Variants in LYZL4 observed in about 807,000 individuals in gnomAD.
LYZL4 encodes the protein lysozyme-like protein 4.
LYZL4 carries 13 observed loss-of-function variants against 17.6 expected under a neutral mutation model. The ratio of observed to expected loss-of-function variants is 0.74; its 90% confidence interval spans 0.48 to 1.18. The LOEUF (loss-of-function observed/expected upper bound fraction) is 1.18. Ranked by LOEUF, LYZL4 falls within the 50% of genes most tolerant of loss-of-function variation. The pLI is 0.00. For missense variants in LYZL4, 174 were observed against 188.2 expected, an observed-to-expected ratio of 0.92 and a Z score of 0.44; for synonymous variants, 64 against 67.7, an observed-to-expected ratio of 0.95 and a Z score of 0.27.
rs751617109 is a variant in LYZL4, at chr3:42,407,123, G to A, written c.129C>T (p.Ser43=). 1.9e-6 allele frequency: 3 copies of A among 1,614,182 alleles called. No homozygotes were observed. The highest frequency in any genetic ancestry group is 4.5e-5 in the East Asian group (2 of 44,876). ...GTGGGGCCTACTCACAGTTCTCAAG[G>A]CTATAGCCCTCAAAATAATCCAGGC... is the stretch of plus-strand genomic sequence containing the variant. ...DGGLDYFEGY[S]LENWVCLAYF... The change falls in exon 2 of 5, where the codon AGC becomes AGT. Residue 43 remains serine (S), a synonymous_variant. Transcript: ENST00000287748.
At chr3:42,370,832 T>C in the LYZL4 span, among the ~76,000 whole-genome samples, 1 of 152,302 alleles carries the variant, frequency 6.6e-6, no homozygotes, top group Admixed American at 6.5e-5. Flanking sequence ...ACTGGTAGAG[T>C]TCGTCTACTA....
the LYZL4 span, among the ~76,000 whole-genome samples, chr3:42,372,787 C>A: frequency 0.022 from 3,382 of 152,266 alleles, 131 homozygotes; most frequent in African/African-American, 0.077. Context: ...CAGCTGCTGG[C>A]AATTGACATA....
chr3:42,388,669 C>A, the LYZL4 span, among the ~76,000 whole-genome samples: 1 of 152,184 alleles, frequency 6.6e-6, no homozygotes, highest in Non-Finnish European at 1.5e-5. Flanking sequence ...GCTGAACAAG[C>A]ATTCAGAACT....
rs370623350 is a variant in LYZL4, at chr3:42,404,035, G to A, written c.371+11C>T. 2 of 1,579,850 alleles carry A rather than the reference G, an allele frequency of 1.3e-6. No homozygotes were observed. Among genetic ancestry groups the A allele is most frequent in the Non-Finnish European group, 1.7e-6 (2 of 1,149,758 alleles). The stretch of plus-strand genomic sequence containing the variant: ...TCGTTAATACAGGCTACATAAAAAT[G>A]TAAGACTTACCATGCTCCCATCCCT... On this transcript the variant is annotated intron_variant, in intron 4 of 4. Transcript: ENST00000287748.
At chr3:42,364,832 T>C in the LYZL4 span, among the ~76,000 whole-genome samples, 12 of 152,174 alleles carry the variant, frequency 7.9e-5, no homozygotes, top group African/African-American at 2.9e-4. Flanking sequence ...ACCTTTAGCA[T>C]ACTTCCTTTC....
At chr3:42,405,442 C>T (rs1698732073) in intron 3 of LYZL4, among the ~76,000 whole-genome samples, 1 of 152,170 alleles carries the variant, frequency 6.6e-6, no homozygotes, top group South Asian at 2.1e-4. Context: ...CCTGCCTCTC[C>T]TTGAATCAGA....
chr3:42,377,221 A>G, the LYZL4 span, among the ~76,000 whole-genome samples: 1 of 152,200 alleles, frequency 6.6e-6, no homozygotes, highest in African/African-American at 2.4e-5. Context: ...TGTGTTGAGC[A>G]TAATTTGTCC....
chr3:42,379,967 A>G, the LYZL4 span, among the ~76,000 whole-genome samples: 120 of 152,296 alleles, frequency 7.9e-4, 1 homozygote, highest in Non-Finnish European at 4.0e-4. Flanking sequence ...CAGTGACCGA[A>G]AATTGTAAGT....
At chr3:42,374,750 C>G in the LYZL4 span, among the ~76,000 whole-genome samples, 5 of 152,188 alleles carry the variant, frequency 3.3e-5, no homozygotes, top group Non-Finnish European at 7.3e-5. Flanking sequence ...TGTGTATTTT[C>G]TTACAATAAA....
the LYZL4 span, among the ~76,000 whole-genome samples, chr3:42,363,181 T>C: frequency 6.6e-6 from 1 of 152,110 alleles, no homozygotes; most frequent in Non-Finnish European, 1.5e-5. Flanking sequence ...TACGATAAAA[T>C]AAATAGACAT....
downstream of LYZL4, among the ~76,000 whole-genome samples, chr3:42,392,207 G>A (rs570957441): frequency 2.0e-5 from 3 of 152,254 alleles, no homozygotes; most frequent in South Asian, 2.1e-4. Flanking sequence ...TTGAGATCCA[G>A]GAACCAAGTG....
the LYZL4 span, among the ~76,000 whole-genome samples, chr3:42,367,881 A>G: frequency 1.3e-5 from 2 of 152,356 alleles, no homozygotes; most frequent in Non-Finnish European, 2.9e-5. Context: ...CCAACAAAGC[A>G]TAAGGAAAAA....
chr3:42,376,853 A>C, the LYZL4 span, among the ~76,000 whole-genome samples: 1 of 152,254 alleles, frequency 6.6e-6, no homozygotes, highest in African/African-American at 2.4e-5. Context: ...TTATGGCCTT[A>C]TCTAATAATG....
intron 1 of LYZL4, among the ~76,000 whole-genome samples, chr3:42,410,047 G>T (rs1319187297): frequency 6.6e-6 from 1 of 152,102 alleles, no homozygotes; most frequent in Non-Finnish European, 1.5e-5. Context: ...CCTCAAAGAA[G>T]ATTCCTTGAT....
Position 42,399,525 on chromosome 3 carries a change from A to G in LYZL4, c.372-2191T>C, listed in dbSNP as rs537331582. ...ACAGCGATGGCAGAGACCTTTAAGT[A>G]GTGATAATGCCAAGATTCATGAGCT... is the stretch of plus-strand genomic sequence containing the variant. On this transcript the variant is annotated intron_variant, in intron 4 of 4. Coordinates refer to ENST00000287748, the MANE Select transcript of LYZL4 (RefSeq NM_144634.4). 2.0e-5 allele frequency among the ~76,000 whole-genome samples: 3 copies of G among 152,320 alleles called. No homozygotes were observed. In the South Asian group the frequency reaches 6.2e-4, roughly 32 times the overall value.
the LYZL4 span, among the ~76,000 whole-genome samples, chr3:42,389,948 G>T: frequency 6.6e-6 from 1 of 152,182 alleles, no homozygotes; most frequent in African/African-American, 2.4e-5. Flanking sequence ...TGCACAGGGT[G>T]CTGCACCAAC....
At chr3:42,403,432 T>TTTTA (rs1698693613) in intron 4 of LYZL4, among the ~76,000 whole-genome samples, 1 of 151,946 alleles carries the variant, frequency 6.6e-6, no homozygotes, top group East Asian at 1.9e-4. Flanking sequence ...ACTTATTTTA[T>TTTTA]TTTATTTATT....
the LYZL4 span, among the ~76,000 whole-genome samples, chr3:42,388,983 G>A: frequency 6.6e-6 from 1 of 152,200 alleles, no homozygotes; most frequent in African/African-American, 2.4e-5. Context: ...AGCTTAGGCT[G>A]CTGAGGGACT....
At chr3:42,374,624 GA>G in the LYZL4 span, among the ~76,000 whole-genome samples, 1 of 152,078 alleles carries the variant, frequency 6.6e-6, no homozygotes, top group Non-Finnish European at 1.5e-5. Context: ...AAAAATTACA[GA>G]ATCAACAACA....
Sources: gnomAD v4.1 joint callset for allele counts (sites outside exome capture counted in the v4.1 genomes callset) on GRCh38, gnomAD v4.1.1 for gene constraint, MANE v1.5 for transcripts, NCBI Gene and HGNC (gene_info 2026-07-23, HGNC 2026-07-21) for gene names.